Variants in ZBTB38 observed in about 807,000 individuals in gnomAD.
ZBTB38 encodes zinc finger and BTB domain-containing protein 38.
A neutral mutation model predicts 76.8 loss-of-function variants in ZBTB38; 20 were observed. The ratio of observed to expected loss-of-function variants is 0.26; its 90% CI spans 0.18 to 0.38. ZBTB38 has a LOEUF of 0.38. Among genes scored for constraint, ZBTB38 ranks in the 10% least tolerant of loss-of-function variants. The probability of loss-of-function intolerance (pLI) is 1.00; values close to 1 mark genes in which losing one functional copy is unlikely to be tolerated. For synonymous variants in ZBTB38, 504 were observed against 544.2 expected (o/e 0.93, Z 1.03); for missense variants, 1,082 against 1,482.3 (o/e 0.73, Z 4.43).
intron 5 of ZBTB38, among the ~76,000 whole-genome samples, chr3:141,436,025 C>T (rs1369208998): frequency 1.3e-5 from 2 of 152,014 alleles, no homozygotes; most frequent in Non-Finnish European, 2.9e-5. Context: ...TAAATTAAAC[C>T]TCATCTTCTT....
intron 1 of ZBTB38, among the ~76,000 whole-genome samples, chr3:141,351,123 A>C (rs558885120): frequency 6.6e-6 from 1 of 152,330 alleles, no homozygotes; most frequent in East Asian, 1.9e-4. Context: ...GGGTTGTGTT[A>C]TCTCTAGGTC....
chr3:141,445,452 C>T lies in ZBTB38; in HGVS notation c.3064C>T (p.Pro1022Ser), dbSNP rs764174035. 4 of 1,614,144 alleles carry T rather than the reference C, an allele frequency of 2.5e-6. No homozygotes were observed. The South Asian group carries it at 3.3e-5, about 13-fold the overall frequency. The change falls in exon 6 of 6, where the codon CCT becomes TCT. Residue 1022 changes from proline (P) to serine (S), a missense_variant. Pro to Ser is a moderately conservative substitution (Grantham distance 74, BLOSUM62 -1). Coordinates refer to ENST00000321464, the MANE Select transcript of ZBTB38 (RefSeq NM_001376113.1). This position sits in a 1 kb window ranked among gnomAD's most constrained non-coding sequence, Gnocchi z 6.5. ...CELCAKQFQSPSTLKMHMRCH... is the reference protein window; with the variant it reads ...CELCAKQFQSSSTLKMHMRCH... Reference sequence around the variant, plus strand: ...GCTCTGCGCCAAGCAGTTCCAGAGCCCTTCCACACTCAAAATGCACATGAG... The same window carrying T: ...GCTCTGCGCCAAGCAGTTCCAGAGCTCTTCCACACTCAAAATGCACATGAG...
rs530125557 is a variant in ZBTB38, at chr3:141,354,235, G to A, written c.-738-14386G>A. Among the ~76,000 whole-genome samples the A allele has an allele frequency of 2.6e-5, 4 of 152,144 alleles. No individual in the cohort carries two copies. The South Asian group carries it at 6.2e-4, about 24-fold the overall frequency. On this transcript the variant is annotated intron_variant, in intron 1 of 7. Transcript: ENST00000509842. Reference sequence around the variant, plus strand: ...ACCCTTAACACTCAGTATATCCCACGTGAGCTGCCTGCTAATCCTCTTTAA... The same window carrying A: ...ACCCTTAACACTCAGTATATCCCACATGAGCTGCCTGCTAATCCTCTTTAA...
chr3:141,435,481 G>A (rs1319352544), intron 5 of ZBTB38, among the ~76,000 whole-genome samples: 2 of 152,070 alleles, frequency 1.3e-5, no homozygotes, highest in South Asian at 2.1e-4. Flanking sequence ...ACTTTAGGCC[G>A]GGCACGGTGG....
chr3:141,339,271 C>CT (rs1272917251), intron 1 of ZBTB38, among the ~76,000 whole-genome samples: 1 of 152,212 alleles, frequency 6.6e-6, no homozygotes, highest in Non-Finnish European at 1.5e-5. Context: ...ACCCAGTTCA[C>CT]TTGAACTGTT....
At chr3:141,375,806 G>C (rs967572494) in intron 2 of ZBTB38, among the ~76,000 whole-genome samples, 8 of 152,180 alleles carry the variant, frequency 5.3e-5, no homozygotes, top group African/African-American at 1.9e-4. Flanking sequence ...GAGTCCCACT[G>C]TGTGACCTCA....
At chr3:141,331,696 G>A (rs1295563085) in intron 1 of ZBTB38, among the ~76,000 whole-genome samples, 4 of 152,238 alleles carry the variant, frequency 2.6e-5, no homozygotes, top group Non-Finnish European at 5.9e-5. Flanking sequence ...GTCATAGTAA[G>A]CTGAGGCTGA....
At chr3:141,329,663 G>A (rs74956472) in intron 1 of ZBTB38, among the ~76,000 whole-genome samples, 10,229 of 152,220 alleles carry the variant, frequency 0.067, 404 homozygotes, top group Non-Finnish European at 0.093. Context: ...AGAAATGGAA[G>A]GTTAATTTTC....
Position 141,445,863 on chromosome 3 carries a change from G to C in ZBTB38, c.3475G>C (p.Gly1159Arg), listed in dbSNP as rs1185101917. 2.5e-6 allele frequency: 4 copies of C among 1,613,186 alleles called. No homozygotes were observed. The Admixed American group carries it at 6.7e-5, about 27-fold the overall frequency. Residue 1159 changes from glycine to arginine, a missense_variant, in exon 6 of 6, where the codon GGT (glycine) becomes CGT (arginine). Physicochemically the swap from Gly to Arg is moderately radical, Grantham distance 125. Transcript: ENST00000321464. This position sits in a 1 kb window ranked among gnomAD's most constrained non-coding sequence, Gnocchi z 6.5. ...AAGCCCAAGTCAGCAGGAGAAAATAGGTGACGTGTGCCACGAAAACTCAAA... is the reference window on the plus strand; with the variant it reads ...AAGCCCAAGTCAGCAGGAGAAAATACGTGACGTGTGCCACGAAAACTCAAA... ...FKSPSQQEKI[G>R]DVCHENSNPL...
In ZBTB38 at chr3:141,446,001, A is replaced by C; in HGVS notation, c.*25A>C. 1 of 1,528,270 alleles carries C rather than the reference A, an allele frequency of 6.5e-7. No individual in the cohort carries two copies. Among genetic ancestry groups the C allele is most frequent in the South Asian group, 1.2e-5 (1 of 80,508 alleles). The allele number at this position is 1,528,270 out of a possible 1,614,324, so 94.7% of individuals were successfully genotyped here. On this transcript the variant is annotated 3_prime_UTR_variant, in exon 6 of 6. Transcript: ENST00000321464. ...AGTGGCAAGAATTAGAAAAATCTTC[A>C]AAAATATAGTTGGTGGTTTTTTTAG... is the stretch of plus-strand genomic sequence containing the variant.
At chr3:141,347,453 C>G (rs1434606396) in intron 1 of ZBTB38, among the ~76,000 whole-genome samples, 1 of 152,176 alleles carries the variant, frequency 6.6e-6, no homozygotes, top group Non-Finnish European at 1.5e-5. Flanking sequence ...TATATAGTCT[C>G]TTAGCATATG....
chr3:141,376,677 C>G (rs1483716450), intron 2 of ZBTB38, among the ~76,000 whole-genome samples: 1 of 152,234 alleles, frequency 6.6e-6, no homozygotes, highest in Non-Finnish European at 1.5e-5. Context: ...TGAAGCACCT[C>G]TGATACTCAG....
chr3:141,406,264 C>G (rs149407863), intron 5 of ZBTB38, among the ~76,000 whole-genome samples: 93 of 151,994 alleles, frequency 6.1e-4, no homozygotes, highest in African/African-American at 2.2e-3. Context: ...GGGGGGAGAT[C>G]GGGAGGAGAG....
chr3:141,416,868 C>T (rs2074166757), intron 5 of ZBTB38, among the ~76,000 whole-genome samples: 1 of 152,204 alleles, frequency 6.6e-6, no homozygotes, highest in African/African-American at 2.4e-5. Context: ...GAAGGATTCT[C>T]CCCCTGCAGC....
chr3:141,439,284 A>G (rs2079558337), intron 5 of ZBTB38, among the ~76,000 whole-genome samples: 1 of 152,248 alleles, frequency 6.6e-6, no homozygotes. Flanking sequence ...AAAGTTGTTA[A>G]AAGGTGTGTC....
intron 5 of ZBTB38, among the ~76,000 whole-genome samples, chr3:141,429,692 G>A (rs981670451): frequency 1.3e-5 from 2 of 152,218 alleles, no homozygotes; most frequent in Admixed American, 1.3e-4. Flanking sequence ...TAAACAAGGT[G>A]ATGTGAGGGC....
At chr3:141,383,695 C>G (rs767177247) in intron 3 of ZBTB38, 2 of 152,192 alleles carry the variant, frequency 1.3e-5, no homozygotes, top group African/African-American at 4.8e-5. Context: ...TGCAGAACAA[C>G]GAGACCACGA....
chr3:141,352,128 AG>A (rs1262649272), intron 1 of ZBTB38, among the ~76,000 whole-genome samples: 1 of 152,148 alleles, frequency 6.6e-6, no homozygotes, highest in Non-Finnish European at 1.5e-5. Context: ...CTAGGGGAGC[AG>A]GGGAGGCAGA....
intron 2 of ZBTB38, among the ~76,000 whole-genome samples, chr3:141,380,317 T>C (rs886442279): frequency 6.6e-6 from 1 of 152,230 alleles, no homozygotes; most frequent in African/African-American, 2.4e-5. Flanking sequence ...GCCACTCTTA[T>C]TTCTGTCTCC....
Sources: allele counts gnomAD v4.1 joint callset (sites outside exome capture counted in the v4.1 genomes callset), GRCh38; gene constraint gnomAD v4.1.1; non-coding constraint Gnocchi (gnomAD v3.1); transcripts MANE v1.5; gene names NCBI Gene and HGNC (gene_info 2026-07-23, HGNC 2026-07-21).